The following UGT1A7 variants were observed in gnomAD, a reference collection of about 807,000 sequenced individuals.
UGT1A7 encodes the protein UDP glucuronosyltransferase family 1 member A7, also known as UDP-glucuronosyltransferase 1A7.
In UGT1A7, 33 loss-of-function variants were observed where a neutral mutation model predicts 45.6. The observed-to-expected ratio is 0.72, with a 90% CI of 0.55 to 0.97. UGT1A7 has a LOEUF of 0.97. Among genes scored for constraint, UGT1A7 ranks in the 50% least tolerant of loss-of-function variants. The pLI is 0.00. For synonymous variants in UGT1A7, 274 were observed against 250.6 expected (o/e 1.09, Z -0.88); for missense variants, 684 against 666.2 (o/e 1.03, Z -0.29).
At chr2:233,755,199 C>A (rs1448845057) in intron 1 of UGT1A7, 6 of 1,106,350 alleles carry the variant, frequency 5.4e-6, no homozygotes, top group South Asian at 1.2e-5. Flanking sequence ...CGCCAGCTTG[C>A]GGTACGCCTT....
intron 1 of UGT1A7, among the ~76,000 whole-genome samples, chr2:233,756,699 T>C (rs1393034568): frequency 2.0e-5 from 3 of 152,130 alleles, no homozygotes; most frequent in Non-Finnish European, 4.4e-5. Flanking sequence ...ACGATGAATT[T>C]TGGGGGGACT....
intron 1 of UGT1A7, among the ~76,000 whole-genome samples, chr2:233,749,032 A>G (rs1468122905): frequency 5.3e-5 from 8 of 151,716 alleles, no homozygotes; most frequent in Non-Finnish European, 1.2e-4. Flanking sequence ...TTTGGGGTTC[A>G]TTGATGTGGT....
chr2:233,687,969 G>T (rs2074872231), intron 1 of UGT1A7, among the ~76,000 whole-genome samples: 1 of 152,200 alleles, frequency 6.6e-6, no homozygotes, highest in Non-Finnish European at 1.5e-5. Context: ...TGTAATTCAT[G>T]TATCGTAAAA....
intron 1 of UGT1A7, among the ~76,000 whole-genome samples, chr2:233,700,247 A>G (rs1441280800): frequency 6.6e-6 from 1 of 152,230 alleles, no homozygotes; most frequent in Non-Finnish European, 1.5e-5. Flanking sequence ...AAAAGCCCCA[A>G]AATGCCAAGT....
chr2:233,764,019 G>A (rs970114557), intron 1 of UGT1A7, among the ~76,000 whole-genome samples: 1 of 152,200 alleles, frequency 6.6e-6, no homozygotes, highest in Non-Finnish European at 1.5e-5. Context: ...CCCACATGGT[G>A]TCTAAGTGCT....
intron 1 of UGT1A7, among the ~76,000 whole-genome samples, chr2:233,727,224 G>A (rs1324084133): frequency 6.6e-6 from 1 of 152,098 alleles, no homozygotes; most frequent in Admixed American, 6.5e-5. Flanking sequence ...TTCCACATAT[G>A]CGGATGGCTC....
At chr2:233,729,142 C>T (rs757429126) in intron 1 of UGT1A7, 2 of 1,613,410 alleles carry the variant, frequency 1.2e-6, no homozygotes, top group Non-Finnish European at 1.7e-6. Context: ...CACAGGACTC[C>T]AGGTTCCCCT....
intron 1 of UGT1A7, among the ~76,000 whole-genome samples, chr2:233,702,365 T>A (rs1282819805): frequency 2.0e-5 from 3 of 152,208 alleles, no homozygotes; most frequent in Admixed American, 2.0e-4. Flanking sequence ...TTTTAGTGGA[T>A]TTCGTAGGAT....
rs375498105 is a variant in UGT1A7 at position 233,743,694 on chromosome 2, C to T, written c.856-23340C>T. 64 of 1,367,302 alleles carry T rather than the reference C, an allele frequency of 4.7e-5. No homozygotes were observed. In the African/African-American group the frequency reaches 6.5e-4, roughly 14 times the overall value. The allele number at this position is 1,367,302 out of a possible 1,614,324, so 84.7% of individuals were successfully genotyped here. A position where few individuals can be genotyped will look rare whatever the true frequency, so the allele number is the denominator to read the frequency against. ...AAGGGCCTGCCGCCTGTGCAGCCGC[C>T]CTCCGCCCCCGCCTCGCCATAGCGG... On this transcript the variant is annotated intron_variant, in intron 1 of 4. Coordinates refer to ENST00000373426, the MANE Select transcript of UGT1A7 (RefSeq NM_019077.3).
At chr2:233,718,271 A>C (rs1315194917) in intron 1 of UGT1A7, among the ~76,000 whole-genome samples, 1 of 152,228 alleles carries the variant, frequency 6.6e-6, no homozygotes, top group Non-Finnish European at 1.5e-5. Flanking sequence ...GTGTGAAAAA[A>C]GACCAAAACC....
chr2:233,738,569 A>G (rs1031993936), intron 1 of UGT1A7, among the ~76,000 whole-genome samples: 1 of 152,222 alleles, frequency 6.6e-6, no homozygotes, highest in African/African-American at 2.4e-5. Context: ...GAATCTGTTG[A>G]GAACTGGAGC....
chr2:233,713,814 T>C (rs1262526604), intron 1 of UGT1A7: 1 of 1,614,102 alleles, frequency 6.2e-7, no homozygotes, highest in South Asian at 1.1e-5. Flanking sequence ...CAACATGGTC[T>C]TCATTGGGGG....
intron 1 of UGT1A7, chr2:233,690,463 C>T (rs2074991463): frequency 7.8e-7 from 1 of 1,288,912 alleles, no homozygotes; most frequent in Non-Finnish European, 1.0e-6. Context: ...TGCCAGCTAT[C>T]CTCCATTTAC....
intron 4 of UGT1A7, among the ~76,000 whole-genome samples, chr2:233,771,990 C>T (rs1700432517): frequency 6.6e-6 from 1 of 152,154 alleles, no homozygotes; most frequent in African/African-American, 2.4e-5. Flanking sequence ...TGGTGCATGA[C>T]TAATTCCAGC....
At chr2:233,756,794 A>G (rs1409639482) in intron 1 of UGT1A7, among the ~76,000 whole-genome samples, 1 of 152,086 alleles carries the variant, frequency 6.6e-6, no homozygotes, top group Admixed American at 6.5e-5. Flanking sequence ...GTGGGGCAAT[A>G]CACTAGTAAA....
chr2:233,751,726 T>C (rs148405152), intron 1 of UGT1A7, among the ~76,000 whole-genome samples: 37 of 152,334 alleles, frequency 2.4e-4, no homozygotes, highest in Admixed American at 6.5e-4. Context: ...AAGTGAACTC[T>C]TCCTCTCTGT....
chr2:233,754,995 C>G (rs769077985), intron 1 of UGT1A7: 1 of 1,295,418 alleles, frequency 7.7e-7, no homozygotes, highest in Non-Finnish European at 1.0e-6. Flanking sequence ...GTCACGGAAG[C>G]TGAAGACCTA....
chr2:233,706,616 G>C (rs2075915881), intron 1 of UGT1A7, among the ~76,000 whole-genome samples: 1 of 152,154 alleles, frequency 6.6e-6, no homozygotes, highest in Admixed American at 6.6e-5. Flanking sequence ...AAGAAGACTA[G>C]AGAAATGAGT....
chr2:233,725,813 T>C (rs566804678), intron 1 of UGT1A7, among the ~76,000 whole-genome samples: 29 of 152,324 alleles, frequency 1.9e-4, no homozygotes, highest in African/African-American at 7.0e-4. Context: ...ATCCATTTTA[T>C]TGGATACCAG....
Sources: allele counts gnomAD v4.1 joint callset (sites outside exome capture counted in the v4.1 genomes callset), GRCh38; gene constraint gnomAD v4.1.1; transcripts MANE v1.5; gene names NCBI Gene and HGNC (gene_info 2026-07-23, HGNC 2026-07-21).